The following TCF4 variants were observed in gnomAD, a reference collection of about 807,000 sequenced individuals.
TCF4 encodes transcription factor 4, also known as SL3-3 enhancer factor 2.
TCF4 carries 3 observed loss-of-function variants against 82.1 expected under a neutral mutation model. That is an observed-to-expected ratio of 0.04 (90% CI 0.02 to 0.09). The LOEUF (loss-of-function observed/expected upper bound fraction) is 0.09, where lower values mean the gene tolerates loss of function less well. Among genes scored for constraint, TCF4 ranks in the 10% least tolerant of loss-of-function variants. The pLI, the probability that TCF4 is intolerant of heterozygous loss-of-function variation, is 1.00. For missense variants in TCF4, 518 were observed against 852.7 expected, an observed-to-expected ratio of 0.61 and a Z score of 4.89; for synonymous variants, 276 against 309.6, an observed-to-expected ratio of 0.89 and a Z score of 1.14.
At chr18:55,362,789 C>G (rs1171666976) in intron 6 of TCF4, among the ~76,000 whole-genome samples, 7 of 152,064 alleles carry the variant, frequency 4.6e-5, no homozygotes, top group African/African-American at 1.7e-4. Flanking sequence ...CAGAAATATT[C>G]TTATTATGTT....
chr18:55,331,393 G>T (rs993863616), intron 8 of TCF4, among the ~76,000 whole-genome samples: 1 of 152,204 alleles, frequency 6.6e-6, no homozygotes, highest in Admixed American at 6.5e-5. Flanking sequence ...CTACCTTGCT[G>T]CTCCCAAATA....
At chr18:55,344,834 G>A (rs1384138132) in intron 8 of TCF4, among the ~76,000 whole-genome samples, 1 of 152,064 alleles carries the variant, frequency 6.6e-6, no homozygotes, top group East Asian at 1.9e-4. Context: ...AGTGTTTGGG[G>A]CATACAACCT....
intron 3 of TCF4, among the ~76,000 whole-genome samples, chr18:55,527,209 A>G (rs2096995309): frequency 6.6e-6 from 1 of 152,192 alleles, no homozygotes; most frequent in South Asian, 2.1e-4. Context: ...CACTGACCCC[A>G]TAACAAACAT....
At chr18:55,315,426 T>C (rs1217645679) in intron 8 of TCF4, among the ~76,000 whole-genome samples, 3 of 152,108 alleles carry the variant, frequency 2.0e-5, no homozygotes, top group Admixed American at 6.6e-5. Context: ...ATATCAGAAA[T>C]GTGAACTCTT....
intron 3 of TCF4, among the ~76,000 whole-genome samples, chr18:55,525,483 T>C (rs967450762): frequency 2.6e-5 from 4 of 152,284 alleles, no homozygotes; most frequent in Non-Finnish European, 4.4e-5. Context: ...ATCTGAAATG[T>C]ACTATCATCT....
At chr18:55,338,865 G>A (rs768869861) in intron 8 of TCF4, among the ~76,000 whole-genome samples, 9 of 152,264 alleles carry the variant, frequency 5.9e-5, no homozygotes, top group Non-Finnish European at 1.3e-4. Context: ...TGCAATTGCT[G>A]GGCATTTCAA....
intron 11 of TCF4, chr18:55,268,104 C>T (rs1027793166): frequency 6.6e-6 from 1 of 152,074 alleles, no homozygotes; most frequent in Non-Finnish European, 1.5e-5. Flanking sequence ...GTCATAGTGC[C>T]TCTCTCTCAA....
chr18:55,562,070 C>T (rs1244172233), intron 3 of TCF4, among the ~76,000 whole-genome samples: 1 of 152,126 alleles, frequency 6.6e-6, no homozygotes. Flanking sequence ...GTCTGTTTTG[C>T]AAATAAAGTT....
At chr18:55,606,637 A>G (rs1194597243) in intron 2 of TCF4, among the ~76,000 whole-genome samples, 2 of 152,228 alleles carry the variant, frequency 1.3e-5, no homozygotes, top group Non-Finnish European at 2.9e-5. Flanking sequence ...GGTAATATCT[A>G]TAACTTAAGC....
intron 6 of TCF4, among the ~76,000 whole-genome samples, chr18:55,376,503 C>T (rs948333286): frequency 6.6e-6 from 1 of 152,080 alleles, no homozygotes; most frequent in African/African-American, 2.4e-5. Flanking sequence ...TGACCTCCAA[C>T]CCAATTCTTC....
At chr18:55,422,176 T>C (rs1031857995) in intron 5 of TCF4, 1 of 967,162 alleles carries the variant, frequency 1.0e-6, no homozygotes, top group African/African-American at 1.8e-5. Flanking sequence ...AATCGAATAC[T>C]TGCTTTTCTT....
At chr18:55,601,708 C>T (rs192956872) in intron 2 of TCF4, among the ~76,000 whole-genome samples, 27 of 152,220 alleles carry the variant, frequency 1.8e-4, no homozygotes, top group African/African-American at 5.5e-4. Context: ...CACTTAAACC[C>T]GGCAGGCAGA....
intron 5 of TCF4, among the ~76,000 whole-genome samples, chr18:55,426,419 C>T (rs921942052): frequency 6.6e-6 from 1 of 152,102 alleles, no homozygotes; most frequent in African/African-American, 2.4e-5. Context: ...AGTCAATACC[C>T]ACAAAAAGAG....
chr18:55,578,491 T>C (rs1207690885), intron 3 of TCF4, among the ~76,000 whole-genome samples: 1 of 152,124 alleles, frequency 6.6e-6, no homozygotes, highest in Non-Finnish European at 1.5e-5. Context: ...TAAATTTCCA[T>C]AAATTATTTA....
intron 3 of TCF4, among the ~76,000 whole-genome samples, chr18:55,493,061 T>C (rs976128544): frequency 1.3e-5 from 2 of 152,196 alleles, no homozygotes; most frequent in South Asian, 4.1e-4. Context: ...TAGCTATTAT[T>C]TGGTATTAAA....
chr18:55,367,979 G>T (rs552405928), intron 6 of TCF4, among the ~76,000 whole-genome samples: 1 of 152,342 alleles, frequency 6.6e-6, no homozygotes, highest in East Asian at 1.9e-4. Context: ...GGGAGATCTG[G>T]TGGGCAGCAC....
intron 8 of TCF4, among the ~76,000 whole-genome samples, chr18:55,331,670 C>T (rs2077591970): frequency 6.6e-6 from 1 of 152,182 alleles, no homozygotes; most frequent in Admixed American, 6.5e-5. Flanking sequence ...TACTAGCCAA[C>T]AATTTTCAAT....
Position 55,464,085 on chromosome 18 carries a change from G to A in TCF4, c.198C>T (p.Ser66=). ...GATTAGATATACTTACCCTGGACGGGCTTGGATGTCCTCCATTCCCCCAGG... is the reference window on the plus strand; with the variant it reads ...GATTAGATATACTTACCCTGGACGGACTTGGATGTCCTCCATTCCCCCAGG... The part of the protein sequence containing the change: ...SGSWGNGGHP[S]PSRNYGDGTP... The change falls in exon 4 of 20, where the codon AGC becomes AGT. Residue 66 remains serine (S), a synonymous_variant. Coordinates refer to ENST00000354452, the MANE Select transcript of TCF4 (RefSeq NM_001083962.2). 2 of 1,613,830 alleles carry A rather than the reference G, an allele frequency of 1.2e-6. No individual in the cohort carries two copies. Among genetic ancestry groups the A allele is most frequent in the Non-Finnish European group, 1.7e-6 (2 of 1,179,838 alleles).
At chr18:55,331,559 T>A (rs2077568590) in intron 8 of TCF4, among the ~76,000 whole-genome samples, 1 of 152,110 alleles carries the variant, frequency 6.6e-6, no homozygotes, top group Non-Finnish European at 1.5e-5. Flanking sequence ...ACAACAGAAA[T>A]CATCATGTCC....
Sources: allele counts gnomAD v4.1 joint callset (sites outside exome capture counted in the v4.1 genomes callset), GRCh38; gene constraint gnomAD v4.1.1; transcripts MANE v1.5; gene names NCBI Gene and HGNC (gene_info 2026-07-23, HGNC 2026-07-21).